MAT1A: variants seen among roughly 807,000 people sequenced by gnomAD.
MAT1A encodes the protein S-adenosylmethionine synthase isoform type-1.
In MAT1A, 19 loss-of-function variants were observed where a neutral mutation model predicts 44.0. The ratio of observed to expected loss-of-function variants is 0.43; its 90% CI spans 0.30 to 0.63. MAT1A has a LOEUF of 0.63. MAT1A is among the 30% of genes least tolerant of loss of function. The pLI, the probability that MAT1A is intolerant of heterozygous loss-of-function variation, is 0.12. For missense variants in MAT1A, 397 were observed against 531.0 expected (o/e 0.75, Z 2.48); for synonymous variants, 205 against 205.6 (o/e 1.00, Z 0.03).
rs1413655522 is a variant in MAT1A, at chr10:80,273,122, G to A, written c.*659C>T. The stretch of plus-strand genomic sequence containing the variant: ...CATCTAGGTCTAAACACGTGGCTGT[G>A]GGACCCTGTGGAAGTTATCCAGACT... On this transcript the variant is annotated 3_prime_UTR_variant, in exon 9 of 9. Transcript: ENST00000372213. 6.5e-6 allele frequency: 1 copy of A among 153,410 alleles called. No individual in the cohort carries two copies. Among genetic ancestry groups the A allele is most frequent in the African/African-American group, 2.4e-5 (1 of 41,426 alleles). 9.5% of individuals were successfully genotyped at this position (153,410 alleles called of 1,614,324 possible). A position where few individuals can be genotyped will look rare whatever the true frequency, so the allele number is the denominator to read the frequency against.
intron 1 of MAT1A, among the ~76,000 whole-genome samples, chr10:80,285,872 C>G (rs1841643804): frequency 6.6e-6 from 1 of 150,942 alleles, no homozygotes; most frequent in South Asian, 2.1e-4. Flanking sequence ...ATCACCCAGG[C>G]TGGAGTGCAG....
intron 2 of MAT1A, 127 bp from the exon 3 acceptor site, chr10:80,284,165 G>A: frequency 8.0e-7 from 1 of 1,245,082 alleles, no homozygotes; most frequent in Non-Finnish European, 1.1e-6. Flanking sequence ...ATGGATTCCA[G>A]AAGGAAAATA....
At chr10:80,281,145 C>T (rs1361253826) in intron 3 of MAT1A, among the ~76,000 whole-genome samples, 1 of 152,182 alleles carries the variant, frequency 6.6e-6, no homozygotes, top group East Asian at 1.9e-4. Context: ...TCATACCCTG[C>T]CCCTCAGGCT....
chr10:80,277,256 G>A (rs1841502241), intron 5 of MAT1A, among the ~76,000 whole-genome samples: 2 of 152,192 alleles, frequency 1.3e-5, no homozygotes, highest in African/African-American at 4.8e-5. Context: ...GAGGGACACT[G>A]GCCAGTGAGT....
At chr10:80,286,977 C>A (rs770940766) in intron 1 of MAT1A, among the ~76,000 whole-genome samples, 1 of 152,246 alleles carries the variant, frequency 6.6e-6, no homozygotes. Context: ...CTGCCAGTGG[C>A]AGACCCTGGT....
chr10:80,277,643 G>C (rs1395204441), intron 5 of MAT1A, among the ~76,000 whole-genome samples: 4 of 152,196 alleles, frequency 2.6e-5, no homozygotes, highest in African/African-American at 9.6e-5. Flanking sequence ...TCTAGGACTG[G>C]GTCTAGTCTG....
chr10:80,278,086 G>A lies in MAT1A; in HGVS notation c.550-1492C>T, dbSNP rs529084957. Among the ~76,000 whole-genome samples, 8 of 152,330 alleles carry A rather than the reference G, an allele frequency of 5.3e-5. No homozygotes were observed. In the South Asian group the frequency reaches 6.2e-4, roughly 12 times the overall value. On this transcript the variant is annotated intron_variant, in intron 5 of 8. Coordinates refer to ENST00000372213, the MANE Select transcript of MAT1A (RefSeq NM_000429.3). ...GTGTCTAGAGCAAGCCAGGCTGTTC[G>A]CAGGCCAGCTGGCGAGGGGCCTCCT... is the stretch of plus-strand genomic sequence containing the variant.
chr10:80,277,127 C>T (rs1375418236), intron 5 of MAT1A, among the ~76,000 whole-genome samples: 2 of 152,214 alleles, frequency 1.3e-5, no homozygotes, highest in Non-Finnish European at 2.9e-5. Flanking sequence ...CACTCAAGAC[C>T]CTGTGCTGGC....
intron 1 of MAT1A, among the ~76,000 whole-genome samples, chr10:80,287,188 A>G (rs773075437): frequency 1.3e-5 from 2 of 152,226 alleles, no homozygotes. Context: ...CACTCTGCCT[A>G]GGGAAATCCA....
rs766735917 is a variant in MAT1A, at chr10:80,280,216, C to A, written c.506G>T (p.Arg169Leu). The A allele has an allele frequency of 1.2e-6, 2 of 1,614,060 alleles. No homozygotes were observed. The highest frequency in any genetic ancestry group is 1.7e-6 in the Non-Finnish European group (2 of 1,180,034). ...CCGCAGCCAGGGGAGGAGGCCGGAG[C>A]GCCTGAGGTCTGCCATCCGGGCGTT... is the stretch of plus-strand genomic sequence containing the variant. The part of the protein sequence containing the change: ...KLNARMADLR[R>L]SGLLPWLRPD... The change falls in exon 5 of 9, where the codon CGC becomes CTC. Residue 169 changes from arginine to leucine, a missense_variant. Coordinates refer to ENST00000372213, the MANE Select transcript of MAT1A (RefSeq NM_000429.3).
intron 3 of MAT1A, among the ~76,000 whole-genome samples, 171 bp downstream of exon 3, chr10:80,283,745 T>C (rs547634774): frequency 1.2e-4 from 18 of 152,378 alleles, no homozygotes; most frequent in African/African-American, 3.8e-4. Context: ...CTGTTGGCCA[T>C]CCTTATGCCA....
At chr10:80,281,528 T>C (rs1425136745) in intron 3 of MAT1A, among the ~76,000 whole-genome samples, 4 of 151,142 alleles carry the variant, frequency 2.6e-5, no homozygotes, top group Non-Finnish European at 4.4e-5. Flanking sequence ...CGTGCGCACC[T>C]CCTCACAGCT....
In MAT1A at chr10:80,273,473, T is replaced by TG. The variant is rs2132700164; in HGVS notation, c.*307dup. 2.6e-6 allele frequency: 1 copy of TG among 378,828 alleles called. No homozygotes were observed. Among genetic ancestry groups the TG allele is most frequent in the Non-Finnish European group, 5.1e-6 (1 of 196,930 alleles). The allele number at this position is 378,828 out of a possible 1,614,324, so 23.5% of individuals were successfully genotyped here. A position where few individuals can be genotyped will look rare whatever the true frequency, so the allele number is the denominator to read the frequency against. ...GGGGAGCTGGTCAGGGTCCAGCTGT[T>TG]GGGGGAGACGAGTGAGGGAATTCAC... On this transcript the variant is annotated 3_prime_UTR_variant, in exon 9 of 9. Coordinates refer to ENST00000372213, the MANE Select transcript of MAT1A (RefSeq NM_000429.3).
chr10:80,279,688 G>T (rs151064665), intron 5 of MAT1A, among the ~76,000 whole-genome samples: 1 of 151,914 alleles, frequency 6.6e-6, no homozygotes, highest in Non-Finnish European at 1.5e-5. Flanking sequence ...AACAACAGAC[G>T]TAAAGCCTTT....
chr10:80,282,054 C>G (rs1841574002), intron 3 of MAT1A, among the ~76,000 whole-genome samples: 1 of 152,212 alleles, frequency 6.6e-6, no homozygotes, highest in Non-Finnish European at 1.5e-5. Flanking sequence ...GCCCTTTACA[C>G]CCTCCTGTTT....
chr10:80,276,725 G>A (rs986183051), intron 5 of MAT1A, 131 bp from the exon 6 acceptor site: 2 of 842,596 alleles, frequency 2.4e-6, no homozygotes, highest in Non-Finnish European at 4.0e-6. Flanking sequence ...GTCTTCAAAG[G>A]GTGTTGGGGG....
chr10:80,280,590 A>G lies in MAT1A; in HGVS notation c.405+90T>C, dbSNP rs2282367. 867,096 of 1,209,720 alleles carry G rather than the reference A, an allele frequency of 0.72. 316,580 individuals carry two copies. Among genetic ancestry groups the G allele is most frequent in the East Asian group, 0.95 (40,843 of 43,018 alleles). 74.9% of individuals were successfully genotyped at this position (1,209,720 alleles called of 1,614,324 possible). A position where few individuals can be genotyped will look rare whatever the true frequency, so the allele number is the denominator to read the frequency against. On this transcript the variant is annotated intron_variant, in intron 4 of 8. Transcript: ENST00000372213. ...TCGCTCCTGGCTATCGTGCTAGGAC[A>G]AGAATCCACCCCTCAGTGTGATTAA... is the stretch of plus-strand genomic sequence containing the variant.
At chr10:80,281,355 T>G (rs1841564388) in intron 3 of MAT1A, among the ~76,000 whole-genome samples, 1 of 151,136 alleles carries the variant, frequency 6.6e-6, no homozygotes, top group Admixed American at 6.6e-5. Flanking sequence ...GTACACAGAG[T>G]CTGGGGCAAA....
At chr10:80,274,951 A>T (rs1399382858) in intron 7 of MAT1A, 66 bp downstream of exon 7, 1 of 1,522,632 alleles carries the variant, frequency 6.6e-7, no homozygotes, top group Non-Finnish European at 8.9e-7. Flanking sequence ...ACATCCCCTC[A>T]CTCAGGGCAG....
Sources: allele counts gnomAD v4.1 joint callset (sites outside exome capture counted in the v4.1 genomes callset), GRCh38; gene constraint gnomAD v4.1.1; transcripts MANE v1.5; gene names NCBI Gene and HGNC (gene_info 2026-07-23, HGNC 2026-07-21).